DNAH17: variants seen among roughly 807,000 people sequenced by gnomAD.
DNAH17 encodes dynein axonemal heavy chain 17.
DNAH17 carries 376 observed loss-of-function variants against 485.6 expected under a neutral mutation model. That is an observed-to-expected ratio of 0.77 (90% CI 0.71 to 0.84). The LOEUF (loss-of-function observed/expected upper bound fraction) is 0.84. Among genes scored for constraint, DNAH17 ranks in the 40% least tolerant of loss-of-function variants. The pLI, the probability that DNAH17 is intolerant of heterozygous loss-of-function variation, is 0.00. For synonymous variants in DNAH17, 3,031 were observed against 2,405.9 expected (o/e 1.26, Z -7.60); for missense variants, 6,370 against 5,839.3 (o/e 1.09, Z -2.96).
rs765334508 is a variant in DNAH17 at position 78,460,235 on chromosome 17, G to A, written c.9362C>T (p.Ala3121Val). 8 of 1,603,804 alleles carry A rather than the reference G, an allele frequency of 5.0e-6. No individual in the cohort carries two copies. The highest frequency in any genetic ancestry group is 2.2e-5 in the South Asian group (2 of 89,384). The part of the protein sequence containing the change: ...INKNVTEKQK[A>V]CETDLAKAEP... Reference sequence around the variant, plus strand: ...TGCTTTGGCCAGGTCTGTTTCACAGGCCTTTTGCTTCTCAGTGACGTTCTG... The same window carrying A: ...TGCTTTGGCCAGGTCTGTTTCACAGACCTTTTGCTTCTCAGTGACGTTCTG... The change falls in exon 59 of 81, where the codon GCC (alanine) becomes GTC (valine). Residue 3121 changes from alanine (A) to valine (V), a missense_variant. Ala to Val is a moderately conservative substitution (Grantham distance 64). Transcript: ENST00000389840.
In DNAH17 at chr17:78,499,122, G is replaced by T; in HGVS notation, c.5641-10C>A. On this transcript the variant is annotated splice_polypyrimidine_tract_variant and intron_variant, in intron 36 of 80. Coordinates refer to ENST00000389840, the MANE Select transcript of DNAH17 (RefSeq NM_173628.4). Reference sequence around the variant, plus strand: ...AGATATTTCCACAGGACTGGAAAGGGCGAGATGGAGAAAGGAAGAGCTGGG... The same window carrying T: ...AGATATTTCCACAGGACTGGAAAGGTCGAGATGGAGAAAGGAAGAGCTGGG... 6.4e-7 allele frequency: 1 copy of T among 1,560,260 alleles called. No homozygotes were observed. The highest frequency in any genetic ancestry group is 1.4e-5 in the African/African-American group (1 of 72,802).
chr17:78,542,809 C>G (rs2091634694), intron 17 of DNAH17, among the ~76,000 whole-genome samples: 1 of 152,148 alleles, frequency 6.6e-6, no homozygotes, highest in African/African-American at 2.4e-5. Flanking sequence ...AGTGATACAC[C>G]CTGTGCACGT....
At chr17:78,553,705 T>C (rs1598716041) in intron 14 of DNAH17, among the ~76,000 whole-genome samples, 1 of 152,230 alleles carries the variant, frequency 6.6e-6, no homozygotes, top group African/African-American at 2.4e-5. Flanking sequence ...TGAGGATTTA[T>C]GTACGGTTAC....
intron 44 of DNAH17, chr17:78,489,990 C>G (rs1172301790): frequency 1.3e-5 from 2 of 152,196 alleles, no homozygotes; most frequent in Non-Finnish European, 2.9e-5. Flanking sequence ...GCTGTCATTT[C>G]TATGTCCCCA....
intron 20 of DNAH17, among the ~76,000 whole-genome samples, chr17:78,531,364 G>A (rs1004609256): frequency 7.0e-6 from 1 of 141,886 alleles, no homozygotes; most frequent in Non-Finnish European, 1.5e-5. Context: ...TTTTGAGATG[G>A]AGTCTTGCTC....
chr17:78,558,369 C>T, intron 13 of DNAH17, 115 bp from the exon 14 acceptor site: 1 of 1,308,626 alleles, frequency 7.6e-7, no homozygotes. Flanking sequence ...GGGGGGATCT[C>T]AAAGTTGGTG....
At position 78,524,949 on chromosome 17, in the gene DNAH17, G is replaced by A. The variant is rs889557633; in HGVS notation, c.3864+60C>T. 7.1e-6 allele frequency: 11 copies of A among 1,550,816 alleles called. No individual in the cohort carries two copies. The South Asian group carries it at 1.1e-4, about 15-fold the overall frequency. The stretch of plus-strand genomic sequence containing the variant: ...GGTGCCCAGAGCCTGCCCTCTTGTT[G>A]CCGGGGGCAGCTCCCTGCAGAATCC... On this transcript the variant is annotated intron_variant, in intron 25 of 80. Coordinates refer to ENST00000389840, the MANE Select transcript of DNAH17 (RefSeq NM_173628.4).
Position 78,426,580 on chromosome 17 carries a change from G to A in DNAH17, c.12792C>T (p.Thr4264=), listed in dbSNP as rs138326047. The change falls in exon 79 of 81, where the codon ACC becomes ACT. Residue 4264 remains threonine, a synonymous_variant. Transcript: ENST00000389840. ...LGLKGELTIT[T]DVEDLSTALF... ...GAGCCGTGGACAGATCTTCCACGTCGGTCGTGATGGTCAGTTCTCCCTAGG... is the reference window on the plus strand; with the variant it reads ...GAGCCGTGGACAGATCTTCCACGTCAGTCGTGATGGTCAGTTCTCCCTAGG... The A allele has an allele frequency of 3.9e-5, 63 of 1,610,196 alleles. No individual in the cohort carries two copies. Among genetic ancestry groups the A allele is most frequent in the Middle Eastern group, 1.6e-4 (1 of 6,062 alleles).
chr17:78,491,417 G>A (rs1192719094), intron 43 of DNAH17, 26 bp downstream of exon 43: 1 of 1,608,742 alleles, frequency 6.2e-7, no homozygotes, highest in Non-Finnish European at 8.5e-7. Flanking sequence ...GGTGGCCTTG[G>A]GGCTTAGAGT....
At chr17:78,435,213 G>A (rs977719933) in intron 74 of DNAH17, among the ~76,000 whole-genome samples, 2 of 152,180 alleles carry the variant, frequency 1.3e-5, no homozygotes, top group African/African-American at 4.8e-5. Context: ...ACCAGCCAAT[G>A]GGAGACTCAC....
chr17:78,494,150 C>G lies in DNAH17; in HGVS notation c.6294G>C (p.Glu2098Asp), dbSNP rs1297178835. The change falls in exon 41 of 81, where the codon GAG becomes GAC. Residue 2098 changes from glutamate (E) to aspartate (D), a missense_variant. Glu to Asp is a conservative substitution (Grantham distance 45). Coordinates refer to ENST00000389840, the MANE Select transcript of DNAH17 (RefSeq NM_173628.4). ...AGCTGTCCTCCGCCTGCAGCTTGAGCTCCACGATGCTCTGCTTGATGATCT... is the reference window on the plus strand; with the variant it reads ...AGCTGTCCTCCGCCTGCAGCTTGAGGTCCACGATGCTCTGCTTGATGATCT... ...FEKIIKQSIVELKLQAEDSFV... is the reference protein window; with the variant it reads ...FEKIIKQSIVDLKLQAEDSFV... 1 of 1,612,298 alleles carries G rather than the reference C, an allele frequency of 6.2e-7. No individual in the cohort carries two copies. The highest frequency in any genetic ancestry group is 8.5e-7 in the Non-Finnish European group (1 of 1,179,724).
chr17:78,470,887 G>A (rs544139928), intron 54 of DNAH17, among the ~76,000 whole-genome samples: 23 of 152,282 alleles, frequency 1.5e-4, no homozygotes, highest in African/African-American at 4.8e-4. Context: ...AGGACAGGGC[G>A]AGAAGATGGT....
chr17:78,502,034 T>TGCC (rs1463883644), intron 33 of DNAH17, 161 bp from the exon 34 acceptor site: 4 of 1,010,434 alleles, frequency 4.0e-6, no homozygotes, highest in Non-Finnish European at 5.7e-6. Context: ...AGGCACTGGT[T>TGCC]TCACCAGGGT....
intron 3 of DNAH17, 98 bp from the exon 4 acceptor site, chr17:78,571,880 A>C: frequency 1.7e-6 from 2 of 1,192,700 alleles, no homozygotes; most frequent in Non-Finnish European, 2.3e-6. Context: ...ATCCCAAACC[A>C]CCAGCAGCAG....
At chr17:78,430,016 A>T (rs1598436235) in intron 75 of DNAH17, among the ~76,000 whole-genome samples, 1 of 152,138 alleles carries the variant, frequency 6.6e-6, no homozygotes, top group Admixed American at 6.5e-5. Flanking sequence ...ACGCCAGGCG[A>T]CCACACGCTT....
chr17:78,447,437 G>A (rs1428493099), intron 69 of DNAH17, among the ~76,000 whole-genome samples: 2 of 152,126 alleles, frequency 1.3e-5, no homozygotes, highest in Admixed American at 1.3e-4. Flanking sequence ...GTGGTGTATT[G>A]GGCAGCTAAC....
At position 78,425,260 on chromosome 17, in the gene DNAH17, G is replaced by A. The variant is rs572497185; in HGVS notation, c.13141+86C>T. On this transcript the variant is annotated intron_variant, in intron 80 of 80. Coordinates refer to ENST00000389840, the MANE Select transcript of DNAH17 (RefSeq NM_173628.4). ...TGTCCCCACAGCTCTTGAACAGCCT[G>A]TCTTTGCCAAGAGCTAGTTTTATCT... 8.1e-5 allele frequency: 111 copies of A among 1,374,254 alleles called. No homozygotes were observed. In the African/African-American group the frequency reaches 1.3e-3, roughly 16 times the overall value. 85.1% of individuals were successfully genotyped at this position (1,374,254 alleles called of 1,614,324 possible). A position where few individuals can be genotyped will look rare whatever the true frequency, so the allele number is the denominator to read the frequency against.
chr17:78,512,894 T>C lies in DNAH17; in HGVS notation c.4113+1880A>G, dbSNP rs1346636156. ...AGGTGGAGGTTGCAGTGAGCTGAGA[T>C]TGTGTCACTGAACTCCAGCCTGGGC... On this transcript the variant is annotated intron_variant, in intron 26 of 80. Coordinates refer to ENST00000389840, the MANE Select transcript of DNAH17 (RefSeq NM_173628.4). 6.9e-5 allele frequency among the ~76,000 whole-genome samples: 10 copies of C among 145,334 alleles called. No homozygotes were observed. The East Asian group carries it at 2.0e-3, about 29-fold the overall frequency.
intron 47 of DNAH17, 99 bp from the exon 48 acceptor site, chr17:78,485,132 G>A: frequency 1.4e-6 from 2 of 1,426,402 alleles, no homozygotes; most frequent in East Asian, 2.5e-5. Flanking sequence ...GACAGAAGGT[G>A]GGACCTGGCT....
Sources: gnomAD v4.1 joint callset for allele counts (sites outside exome capture counted in the v4.1 genomes callset) on GRCh38, gnomAD v4.1.1 for gene constraint, MANE v1.5 for transcripts, NCBI Gene and HGNC (gene_info 2026-07-23, HGNC 2026-07-21) for gene names.